Variants in LRP1B observed in about 807,000 individuals in gnomAD.
LRP1B encodes LDL receptor related protein 1B.
In LRP1B, 217 loss-of-function variants were observed where a neutral mutation model predicts 556.6. That is an observed-to-expected ratio of 0.39 (90% CI 0.35 to 0.44). LRP1B has a LOEUF of 0.44. Among genes scored for constraint, LRP1B ranks in the 20% least tolerant of loss-of-function variants. The pLI is 1.00. For synonymous variants in LRP1B, 2,047 were observed against 1,865.8 expected, an observed-to-expected ratio of 1.10 and a Z score of -2.50; for missense variants, 5,053 against 5,620.8, an observed-to-expected ratio of 0.90 and a Z score of 3.23.
At chr2:140,369,850 T>C (rs937772734) in intron 71 of LRP1B, among the ~76,000 whole-genome samples, 2 of 151,946 alleles carry the variant, frequency 1.3e-5, no homozygotes, top group African/African-American at 4.8e-5. Context: ...AGAGTGCACA[T>C]TCAAGTGCCT....
chr2:140,827,297 G>A (rs1307146552), intron 31 of LRP1B, among the ~76,000 whole-genome samples: 1 of 152,084 alleles, frequency 6.6e-6, no homozygotes, highest in Non-Finnish European at 1.5e-5. Context: ...ACCCTAGTGA[G>A]ACAGCAATTT....
chr2:140,530,034 T>G (rs777444410), intron 47 of LRP1B, among the ~76,000 whole-genome samples: 1 of 152,112 alleles, frequency 6.6e-6, no homozygotes, highest in African/African-American at 2.4e-5. Context: ...CTTTCTACTC[T>G]GTAAACAGAC....
chr2:140,723,064 A>G (rs558085337), intron 35 of LRP1B, among the ~76,000 whole-genome samples: 8 of 152,294 alleles, frequency 5.3e-5, no homozygotes, highest in Non-Finnish European at 8.8e-5. Context: ...AAATAAAATG[A>G]AATAAAATAG....
In LRP1B at chr2:142,115,674, A is replaced by ATATATATAATATATGT. The variant is rs1707215957; in HGVS notation, c.82+14973_82+14974insACATATATTATATATA. Reference sequence around the variant, plus strand: ...ATATTATATGTAATATATATATGTAATATATATATAATATATATGTAATAT... The same window carrying ATATATATAATATATGT: ...ATATTATATGTAATATATATATGTAATATATATAATATATGTTATATATATAATATATATGTAATAT... On this transcript the variant is annotated intron_variant, in intron 1 of 90. Transcript: ENST00000389484. Among the ~76,000 whole-genome samples the ATATATATAATATATGT allele has an allele frequency of 3.5e-4, 2 of 5,684 alleles. 1 individual carries two copies. The highest frequency in any genetic ancestry group is 0.067 in the East Asian group (2 of 30). 3.7% of individuals were successfully genotyped at this position (5,684 alleles called of 152,430 possible). A position where few individuals can be genotyped will look rare whatever the true frequency, so the allele number is the denominator to read the frequency against.
chr2:140,890,517 A>G lies in LRP1B; in HGVS notation c.3767-4182T>C, dbSNP rs552290263. On this transcript the variant is annotated intron_variant, in intron 23 of 90. Transcript: ENST00000389484. The stretch of plus-strand genomic sequence containing the variant: ...TTCTTGTATTCTTTATAGTCATTTT[A>G]TGTTGAGAAAACATTTGTTTGATAA... Among the ~76,000 whole-genome samples the G allele has an allele frequency of 2.0e-5, 3 of 152,256 alleles. No individual in the cohort carries two copies. The South Asian group carries it at 6.2e-4, about 32-fold the overall frequency.
At chr2:140,975,871 T>G (rs906032788) in intron 18 of LRP1B, among the ~76,000 whole-genome samples, 1 of 152,112 alleles carries the variant, frequency 6.6e-6, no homozygotes, top group Non-Finnish European at 1.5e-5. Context: ...TGGGTAAAAA[T>G]TCCATTTTGA....
intron 82 of LRP1B, among the ~76,000 whole-genome samples, chr2:140,317,907 A>G (rs1430315984): frequency 6.7e-6 from 1 of 149,170 alleles, no homozygotes; most frequent in East Asian, 1.9e-4. Flanking sequence ...ATTCTTGCAA[A>G]ACTCATAATA....
chr2:141,249,055 T>C (rs1684168592), intron 4 of LRP1B, among the ~76,000 whole-genome samples: 2 of 152,186 alleles, frequency 1.3e-5, no homozygotes, highest in African/African-American at 4.8e-5. Flanking sequence ...ATAACGAATT[T>C]GATTTCACTG....
At chr2:140,418,612 T>C (rs1023647247) in intron 66 of LRP1B, among the ~76,000 whole-genome samples, 2 of 151,800 alleles carry the variant, frequency 1.3e-5, no homozygotes, top group African/African-American at 4.8e-5. Flanking sequence ...GCAACCAAAA[T>C]GAGACTACAG....
chr2:141,484,555 G>C (rs1465941639), intron 2 of LRP1B, among the ~76,000 whole-genome samples: 1 of 152,136 alleles, frequency 6.6e-6, no homozygotes, highest in East Asian at 1.9e-4. Context: ...ACCTTGGGCA[G>C]TATGGCCATT....
chr2:140,555,443 T>C (rs187015349), intron 43 of LRP1B, among the ~76,000 whole-genome samples: 21 of 152,204 alleles, frequency 1.4e-4, no homozygotes, highest in African/African-American at 4.8e-4. Context: ...TATCTAGCAA[T>C]ACCTCTTATT....
intron 1 of LRP1B, among the ~76,000 whole-genome samples, chr2:141,997,433 G>A (rs1388654266): frequency 1.0e-4 from 2 of 19,936 alleles, no homozygotes; most frequent in East Asian, 3.6e-3. Context: ...GTGTGTGTGT[G>A]TGTGTGTATA....
chr2:140,914,873 A>C (rs1057092155), intron 21 of LRP1B, among the ~76,000 whole-genome samples: 11 of 152,192 alleles, frequency 7.2e-5, no homozygotes, highest in African/African-American at 2.7e-4. Context: ...AGTAGTGAAA[A>C]GTGTCATTCA....
At chr2:140,894,264 T>G (rs1693882508) in intron 23 of LRP1B, among the ~76,000 whole-genome samples, 1 of 152,282 alleles carries the variant, frequency 6.6e-6, no homozygotes, top group East Asian at 1.9e-4. Flanking sequence ...TCAGTAAAAA[T>G]ACTATGTTTT....
chr2:140,592,948 ACACACACAC>A (rs1682287673), intron 43 of LRP1B, among the ~76,000 whole-genome samples: 1 of 151,072 alleles, frequency 6.6e-6, no homozygotes, highest in Admixed American at 6.6e-5. Context: ...ACACACACAC[ACACACACAC>A]ACACACACAC....
intron 3 of LRP1B, among the ~76,000 whole-genome samples, chr2:141,462,311 T>G (rs182964089): frequency 6.6e-6 from 1 of 152,346 alleles, no homozygotes; most frequent in East Asian, 1.9e-4. Context: ...GCTGAGCATT[T>G]ATTTGATCTT....
intron 1 of LRP1B, among the ~76,000 whole-genome samples, chr2:141,877,333 C>A (rs1698801676): frequency 1.3e-5 from 2 of 152,058 alleles, no homozygotes; most frequent in East Asian, 3.9e-4. Context: ...TGGGAAGTAG[C>A]AGTCTAGCAA....
chr2:140,671,215 A>G (rs1020380728), intron 41 of LRP1B, among the ~76,000 whole-genome samples: 18 of 152,062 alleles, frequency 1.2e-4, no homozygotes, highest in Non-Finnish European at 2.4e-4. Context: ...TTGAGGGCTC[A>G]TTTAGAAAAA....
intron 41 of LRP1B, among the ~76,000 whole-genome samples, chr2:140,638,473 C>T (rs1376399167): frequency 6.6e-6 from 1 of 152,062 alleles, no homozygotes; most frequent in African/African-American, 2.4e-5. Context: ...GAGTATGGCA[C>T]ATGGTGATGT....
Sources: allele counts gnomAD v4.1 joint callset (sites outside exome capture counted in the v4.1 genomes callset), GRCh38; gene constraint gnomAD v4.1.1; transcripts MANE v1.5; gene names NCBI Gene and HGNC (gene_info 2026-07-23, HGNC 2026-07-21).